ATP2A1: variants seen among roughly 807,000 people sequenced by gnomAD.
The protein encoded by ATP2A1 is sarcoplasmic/endoplasmic reticulum calcium ATPase 1.
A neutral mutation model predicts 109.5 loss-of-function variants in ATP2A1; 83 were observed. That is an observed-to-expected ratio of 0.76 (90% CI 0.63 to 0.91). The LOEUF (loss-of-function observed/expected upper bound fraction) is 0.91, where lower values mean the gene tolerates loss of function less well. Ranked by LOEUF, ATP2A1 falls within the 40% of genes least tolerant of loss-of-function variation. ATP2A1 has a pLI of 0.00. For synonymous variants in ATP2A1, 505 were observed against 537.6 expected, an observed-to-expected ratio of 0.94 and a Z score of 0.84; for missense variants, 1,101 against 1,341.0, an observed-to-expected ratio of 0.82 and a Z score of 2.80.
rs1449469340 is a variant in ATP2A1, at chr16:28,884,631, C to A, written c.520C>A (p.Arg174=). 3.1e-6 allele frequency: 5 copies of A among 1,609,154 alleles called. No homozygotes were observed. The highest frequency in any genetic ancestry group is 4.2e-6 in the Non-Finnish European group (5 of 1,177,502). Residue 174 remains arginine, a synonymous_variant, in exon 6 of 23, where the codon CGG becomes AGG. Transcript: ENST00000395503. ...CCTCGCCATCAAATCCACCACGCTG[C>A]GGGTTGACCAGTCCATCCTGACAGG... ...RILAIKSTTL[R]VDQSILTGES...
Position 28,900,567 on chromosome 16 carries a change from C to T in ATP2A1, c.1765-14C>T, listed in dbSNP as rs1285210001. On this transcript the variant is annotated splice_polypyrimidine_tract_variant and intron_variant, in intron 14 of 22. Transcript: ENST00000395503. ...TCCCCACCTGACCTGTGGCTCTCTG[C>T]TGTATCTCCCCAGACGGACCTGACA... 1 of 1,547,400 alleles carries T rather than the reference C, an allele frequency of 6.5e-7. No individual in the cohort carries two copies. Among genetic ancestry groups the T allele is most frequent in the African/African-American group, 1.4e-5 (1 of 73,786 alleles).
At chr16:28,894,772 A>G in intron 11 of ATP2A1, 50 bp from the exon 12 acceptor site, 1 of 1,609,130 alleles carries the variant, frequency 6.2e-7, no homozygotes, top group Middle Eastern at 1.6e-4. Context: ...AGGGTATGAC[A>G]GGTAGGAGCC....
intron 3 of ATP2A1, chr16:28,879,945 C>T: frequency 3.1e-6 from 3 of 973,238 alleles, no homozygotes; most frequent in Non-Finnish European, 3.7e-6. Context: ...ATGCGCCGGG[C>T]GGACGGCCGC....
chr16:28,879,150 G>C (rs199741284), intron 2 of ATP2A1, 34 bp downstream of exon 2: 1 of 1,613,252 alleles, frequency 6.2e-7, no homozygotes, highest in African/African-American at 1.3e-5. Context: ...TCTCATAAAT[G>C]ACCACCCCCC....
At position 28,903,392 on chromosome 16, in the gene ATP2A1, A is replaced by G. The variant is rs768415562; in HGVS notation, c.2932A>G (p.Ile978Val). Residue 978 changes from isoleucine to valine, a missense_variant, in exon 21 of 23, where the codon ATT becomes GTT. By Grantham distance (29) the Ile-to-Val change is conservative. Coordinates refer to ENST00000395503, the MANE Select transcript of ATP2A1 (RefSeq NM_004320.6). The surrounding 1 kb of genome is among the most constrained non-coding windows in gnomAD (Gnocchi z 5.6). ...GGTCCTCAAGATCTCACTGCCAGTC[A>G]TTGGGCTCGACGAAATCCTCAAGTT... ...LMVLKISLPVIGLDEILKFVA... is the reference protein window; with the variant it reads ...LMVLKISLPVVGLDEILKFVA... The G allele has an allele frequency of 1.2e-5, 19 of 1,613,812 alleles. 1 individual carries two copies. The Admixed American group carries it at 2.3e-4, about 20-fold the overall frequency.
chr16:28,881,750 C>T (rs1286929970), intron 4 of ATP2A1: 1 of 151,724 alleles, frequency 6.6e-6, no homozygotes, highest in East Asian at 2.0e-4. Flanking sequence ...TGCAGTGAGC[C>T]AAGATTGCAC....
At position 28,904,394 on chromosome 16, in the gene ATP2A1, G is replaced by A; in HGVS notation, c.*252G>A. 6.5e-7 allele frequency: 1 copy of A among 1,535,824 alleles called. No individual in the cohort carries two copies. On this transcript the variant is annotated 3_prime_UTR_variant, in exon 23 of 23. Coordinates refer to ENST00000395503, the MANE Select transcript of ATP2A1 (RefSeq NM_004320.6). ...TGTAAATTCCCCTTCCCAACCCCGA[G>A]GGGCTTGCAGGGACAAGGCGACCGA...
intron 9 of ATP2A1, chr16:28,892,485 AT>A (rs1358469001): frequency 5.5e-6 from 1 of 181,058 alleles, no homozygotes; most frequent in Non-Finnish European, 1.2e-5. Flanking sequence ...ATCTGCTGCT[AT>A]TTGAAAGCCT....
intron 2 of ATP2A1, 163 bp downstream of exon 2, chr16:28,879,279 C>T (rs541240267): frequency 3.0e-6 from 3 of 1,008,716 alleles, no homozygotes; most frequent in African/African-American, 1.6e-5. Context: ...CAGAAGTCTC[C>T]CAGGCGCTTT....
chr16:28,882,288 C>T (rs899617664), intron 4 of ATP2A1, among the ~76,000 whole-genome samples, 163 bp from the exon 5 acceptor site: 1 of 151,934 alleles, frequency 6.6e-6, no homozygotes, highest in African/African-American at 2.4e-5. Flanking sequence ...TTTGTTCCCT[C>T]CCCAAAACCC....
Position 28,902,287 on chromosome 16 carries a change from T to C in ATP2A1, c.2425T>C (p.Phe809Leu). ...TDGLPATALG[F>L]NPPDLDIMDR... ...CGGGCTCCCAGCCACAGCCCTGGGC[T>C]TCAACCCACCAGACCTGGACATCAT... Residue 809 changes from phenylalanine to leucine, a missense_variant, in exon 17 of 23, where the codon TTC becomes CTC. Coordinates refer to ENST00000395503, the MANE Select transcript of ATP2A1 (RefSeq NM_004320.6). The surrounding 1 kb of genome is among the most constrained non-coding windows in gnomAD (Gnocchi z 4.8). The C allele has an allele frequency of 6.2e-7, 1 of 1,614,076 alleles. No individual in the cohort carries two copies. The highest frequency in any genetic ancestry group is 8.5e-7 in the Non-Finnish European group (1 of 1,179,978).
chr16:28,893,050 G>C (rs191829907), intron 9 of ATP2A1, among the ~76,000 whole-genome samples: 2 of 142,688 alleles, frequency 1.4e-5, no homozygotes, highest in South Asian at 2.3e-4. Context: ...AAAAAAAAAA[G>C]AATTGCCCAT....
At position 28,884,654 on chromosome 16, in the gene ATP2A1, A is replaced by G; in HGVS notation, c.543A>G (p.Thr181=). ...TTLRVDQSIL[T]GESVSVIKHT... ...TGCGGGTTGACCAGTCCATCCTGAC[A>G]GGTCTGCTGGCCTGGGTGGGAAGAT... The change falls in exon 6 of 23, where the codon ACA becomes ACG. Residue 181 remains threonine (T), a splice_region_variant and synonymous_variant. Coordinates refer to ENST00000395503, the MANE Select transcript of ATP2A1 (RefSeq NM_004320.6). 1 of 1,569,866 alleles carries G rather than the reference A, an allele frequency of 6.4e-7. No homozygotes were observed. Among genetic ancestry groups the G allele is most frequent in the Non-Finnish European group, 8.7e-7 (1 of 1,152,766 alleles).
Position 28,894,470 on chromosome 16 carries a change from G to A in ATP2A1, c.1185-35G>A, listed in dbSNP as rs568512055. Reference sequence around the variant, plus strand: ...ATCTCATTCCCTGTTCTTCTCCACTGTCTCTGTCCCTTCCTCCCCTGACCC... The same window carrying A: ...ATCTCATTCCCTGTTCTTCTCCACTATCTCTGTCCCTTCCTCCCCTGACCC... On this transcript the variant is annotated intron_variant, in intron 10 of 22. Coordinates refer to ENST00000395503, the MANE Select transcript of ATP2A1 (RefSeq NM_004320.6). 8 of 1,594,208 alleles carry A rather than the reference G, an allele frequency of 5.0e-6. No individual in the cohort carries two copies. The South Asian group carries it at 8.9e-5, about 18-fold the overall frequency.
Position 28,880,855 on chromosome 16 carries a change from CCTTT to C in ATP2A1, c.220-57_220-54del. On this transcript the variant is annotated intron_variant, in intron 3 of 22. Coordinates refer to ENST00000395503, the MANE Select transcript of ATP2A1 (RefSeq NM_004320.6). This position sits in a 1 kb window ranked among gnomAD's most constrained non-coding sequence, Gnocchi z 4.2. ...TTCTCCCCTTTGCAGTGGTCCACTT[CCTTT>C]CTCCATCTGTTTTGGGGCCTCATTA... is the stretch of plus-strand genomic sequence containing the variant. 3.3e-6 allele frequency: 5 copies of C among 1,500,892 alleles called. No individual in the cohort carries two copies. Among genetic ancestry groups the C allele is most frequent in the Non-Finnish European group, 3.7e-6 (4 of 1,077,030 alleles). The allele number at this position is 1,500,892 out of a possible 1,614,324, so 93.0% of individuals were successfully genotyped here. A position where few individuals can be genotyped will look rare whatever the true frequency, so the allele number is the denominator to read the frequency against.
chr16:28,890,629 AG>A (rs1963743119), intron 9 of ATP2A1, among the ~76,000 whole-genome samples: 1 of 152,182 alleles, frequency 6.6e-6, no homozygotes. Context: ...ACCTTTTAAA[AG>A]ATAAAATAGA....
chr16:28,893,235 A>AAG lies in ATP2A1; in HGVS notation c.1096-905_1096-904dup, dbSNP rs1175729941. Among the ~76,000 whole-genome samples the AAG allele has an allele frequency of 2.6e-3, 391 of 148,934 alleles. 2 individuals are homozygous for AAG. The highest frequency in any genetic ancestry group is 8.8e-3 in the African/African-American group (352 of 40,026). On this transcript the variant is annotated intron_variant, in intron 9 of 22. Transcript: ENST00000395503. ...CCAATTTCTACCAAAAAAAAAAAAA[A>AAG]AGAGAGAGAGAGAGAGCAAGAGAGA...
intron 12 of ATP2A1, among the ~76,000 whole-genome samples, chr16:28,896,975 G>A (rs984958240): frequency 9.2e-5 from 14 of 152,014 alleles, no homozygotes; most frequent in African/African-American, 3.4e-4. Flanking sequence ...CAGCTACTTG[G>A]GGGGCTGAGG....
At chr16:28,887,799 T>G in intron 8 of ATP2A1, 77 bp downstream of exon 8, 1 of 1,555,662 alleles carries the variant, frequency 6.4e-7, no homozygotes, top group East Asian at 2.2e-5. Flanking sequence ...TTTCTTTTCT[T>G]TTTTTCTTTT....
Sources: allele counts gnomAD v4.1 joint callset (sites outside exome capture counted in the v4.1 genomes callset), GRCh38; gene constraint gnomAD v4.1.1; non-coding constraint Gnocchi (gnomAD v3.1); transcripts MANE v1.5; gene names NCBI Gene and HGNC (gene_info 2026-07-23, HGNC 2026-07-21).